MEGF11: variants seen among roughly 807,000 people sequenced by gnomAD.
MEGF11 encodes the protein multiple epidermal growth factor-like domains protein 11.
MEGF11 carries 126 observed loss-of-function variants against 146.6 expected under a neutral mutation model. The observed-to-expected ratio is 0.86, with a 90% CI of 0.74 to 1.00. MEGF11 has a LOEUF of 1.00. MEGF11 is among the 50% of genes least tolerant of loss of function. The pLI is 0.00. For missense variants in MEGF11, 1,509 were observed against 1,521.2 expected (o/e 0.99, Z 0.13); for synonymous variants, 532 against 583.4 (o/e 0.91, Z 1.27).
intron 10 of MEGF11, among the ~76,000 whole-genome samples, chr15:65,950,114 G>T (rs761851496): frequency 2.0e-5 from 3 of 152,098 alleles, no homozygotes; most frequent in Non-Finnish European, 2.9e-5. Flanking sequence ...AGACCCCTTG[G>T]TGTAAATAAC....
chr15:66,160,255 C>CTCTCTCTCTA (rs1878545038), intron 1 of MEGF11, among the ~76,000 whole-genome samples: 1 of 151,634 alleles, frequency 6.6e-6, no homozygotes, highest in South Asian at 2.1e-4. Context: ...CTCTCTCTCT[C>CTCTCTCTCTA]TCTCTCTCTC....
chr15:66,117,739 C>G (rs565985369), intron 4 of MEGF11, among the ~76,000 whole-genome samples: 5 of 152,246 alleles, frequency 3.3e-5, no homozygotes, highest in African/African-American at 1.2e-4. Context: ...GATCTCACAT[C>G]TACACCTGGG....
chr15:66,118,321 C>T (rs2087836229), intron 4 of MEGF11, among the ~76,000 whole-genome samples: 2 of 152,114 alleles, frequency 1.3e-5, no homozygotes. Context: ...CCGAAAGCCC[C>T]ATAGCTAGGA....
chr15:66,018,104 CAG>C (rs1226796518), intron 5 of MEGF11, among the ~76,000 whole-genome samples: 5 of 152,146 alleles, frequency 3.3e-5, no homozygotes, highest in African/African-American at 9.7e-5. Flanking sequence ...CCCACCCCAG[CAG>C]GGTCCCTCCA....
intron 1 of MEGF11, among the ~76,000 whole-genome samples, chr15:66,131,790 C>A (rs559192080): frequency 1.8e-4 from 27 of 152,218 alleles, no homozygotes; most frequent in African/African-American, 5.5e-4. Flanking sequence ...CTGAGAAGAC[C>A]CAAAATAAAG....
chr15:66,091,351 C>A (rs1474070341), intron 5 of MEGF11, among the ~76,000 whole-genome samples: 1 of 152,222 alleles, frequency 6.6e-6, no homozygotes, highest in East Asian at 1.9e-4. Flanking sequence ...TATCTCAGGG[C>A]CACATCTTTT....
intron 1 of MEGF11, among the ~76,000 whole-genome samples, chr15:66,212,146 A>G (rs373433222): frequency 1.6e-4 from 25 of 151,832 alleles, no homozygotes; most frequent in African/African-American, 5.8e-4. Context: ...GACAGAAAGC[A>G]AGGGAGCCCA....
At position 66,156,612 on chromosome 15, in the gene MEGF11, C is replaced by G. The variant is rs80061794; in HGVS notation, c.-8-28201G>C. On this transcript the variant is annotated intron_variant, in intron 1 of 25. Coordinates refer to ENST00000395614, the MANE Select transcript of MEGF11 (RefSeq NM_001385028.1). ...CCCTGAGTCAAGACTCCTGCCAGCC[C>G]CTTGGTTTGGAGCCTTCTTTCCTCT... Among the ~76,000 whole-genome samples, 872 of 152,030 alleles carry G rather than the reference C, an allele frequency of 5.7e-3. 9 individuals are homozygous for G. Among genetic ancestry groups the G allele is most frequent in the African/African-American group, 0.021 (850 of 41,450 alleles).
intron 1 of MEGF11, among the ~76,000 whole-genome samples, chr15:66,186,889 C>T (rs1322428358): frequency 1.3e-5 from 2 of 152,208 alleles, no homozygotes; most frequent in Non-Finnish European, 2.9e-5. Flanking sequence ...GATGGCTGAG[C>T]CAGGCCTTAA....
chr15:65,986,725 C>G (rs2081868488), intron 5 of MEGF11, among the ~76,000 whole-genome samples: 1 of 151,998 alleles, frequency 6.6e-6, no homozygotes, highest in Non-Finnish European at 1.5e-5. Context: ...AATGTCACCC[C>G]TCACACATTT....
chr15:65,922,495 G>T, intron 14 of MEGF11, 23 bp from the exon 15 acceptor site: 1 of 1,537,536 alleles, frequency 6.5e-7, no homozygotes, highest in Non-Finnish European at 8.8e-7. Context: ...GGAAGATGGT[G>T]GTCAGCAGCC....
intron 5 of MEGF11, among the ~76,000 whole-genome samples, chr15:66,058,372 C>T (rs1264500134): frequency 1.3e-5 from 2 of 152,150 alleles, no homozygotes; most frequent in Admixed American, 6.5e-5. Context: ...CACACTTCTT[C>T]AAGAAGCTGT....
chr15:66,117,361 G>A (rs141462418), intron 4 of MEGF11, among the ~76,000 whole-genome samples: 1 of 152,232 alleles, frequency 6.6e-6, no homozygotes, highest in East Asian at 1.9e-4. Context: ...GGGTCACCTG[G>A]CCAGAAGGTA....
At chr15:65,996,722 G>A (rs28534919) in intron 5 of MEGF11, among the ~76,000 whole-genome samples, 1,831 of 152,260 alleles carry the variant, frequency 0.012, 35 homozygotes, top group African/African-American at 0.04. Context: ...CTAACCTCCA[G>A]TGATCTGCCC....
chr15:66,226,499 C>T (rs770142357), intron 1 of MEGF11, among the ~76,000 whole-genome samples: 5 of 152,122 alleles, frequency 3.3e-5, no homozygotes, highest in African/African-American at 9.7e-5. Flanking sequence ...TCACCCACCT[C>T]GGCCTCCCAA....
intron 5 of MEGF11, among the ~76,000 whole-genome samples, chr15:66,061,205 C>T (rs577000142): frequency 6.6e-5 from 10 of 152,324 alleles, no homozygotes; most frequent in South Asian, 2.1e-4. Flanking sequence ...GGGTAAGTCC[C>T]GACTCTGATC....
At chr15:66,084,537 C>T (rs867969267) in intron 5 of MEGF11, among the ~76,000 whole-genome samples, 3 of 152,134 alleles carry the variant, frequency 2.0e-5, no homozygotes, top group Admixed American at 6.5e-5. Context: ...GAACACACCC[C>T]CCCACTGGAG....
chr15:66,114,767 G>T (rs1231242536), intron 4 of MEGF11, among the ~76,000 whole-genome samples: 1 of 140,750 alleles, frequency 7.1e-6, no homozygotes, highest in Admixed American at 7.0e-5. Context: ...GCGGAAAGAG[G>T]TATGAGTTGG....
chr15:66,128,492 A>G, intron 1 of MEGF11, 81 bp from the exon 2 acceptor site: 1 of 749,566 alleles, frequency 1.3e-6, no homozygotes, highest in Non-Finnish European at 2.0e-6. Context: ...CGTCGTGGGT[A>G]ATGAGCATTT....
Sources: allele counts gnomAD v4.1 joint callset (sites outside exome capture counted in the v4.1 genomes callset), GRCh38; gene constraint gnomAD v4.1.1; transcripts MANE v1.5; gene names NCBI Gene and HGNC (gene_info 2026-07-23, HGNC 2026-07-21).